Variants in ZNRF1 observed in about 807,000 individuals in gnomAD.
ZNRF1 encodes zinc and ring finger 1.
In ZNRF1, 3 loss-of-function variants were observed where a neutral mutation model predicts 18.4. The observed-to-expected ratio is 0.16, with a 90% CI of 0.07 to 0.42. ZNRF1 has a LOEUF of 0.42. Among genes scored for constraint, ZNRF1 ranks in the 10% least tolerant of loss-of-function variants. The pLI, the probability that ZNRF1 is intolerant of heterozygous loss-of-function variation, is 0.99. For synonymous variants in ZNRF1, 157 were observed against 144.2 expected (o/e 1.09, Z -0.64); for missense variants, 310 against 329.8 (o/e 0.94, Z 0.47).
chr16:75,078,011 G>T (rs1174808549), intron 1 of ZNRF1, among the ~76,000 whole-genome samples: 3 of 152,182 alleles, frequency 2.0e-5, no homozygotes, highest in East Asian at 3.8e-4. Flanking sequence ...AGGTTCTGGG[G>T]ATTCGGAGGT....
intron 1 of ZNRF1, among the ~76,000 whole-genome samples, chr16:75,086,799 C>T (rs779470687): frequency 6.6e-6 from 1 of 152,198 alleles, no homozygotes; most frequent in Non-Finnish European, 1.5e-5. Flanking sequence ...AAGAGTTACC[C>T]TCATCTACCC....
intron 1 of ZNRF1, among the ~76,000 whole-genome samples, chr16:75,035,868 A>G (rs1394373930): frequency 6.6e-6 from 1 of 152,192 alleles, no homozygotes; most frequent in South Asian, 2.1e-4. Context: ...GTCATAAACT[A>G]GTTAAACTCT....
rs1458436128 is a variant in ZNRF1, at chr16:75,000,002, C to G, written c.331C>G (p.His111Asp). 1.3e-6 allele frequency: 2 copies of G among 1,588,798 alleles called. No individual in the cohort carries two copies. Among genetic ancestry groups the G allele is most frequent in the Non-Finnish European group, 1.7e-6 (2 of 1,168,476 alleles). The change falls in exon 1 of 5, where the codon CAT becomes GAT. Residue 111 changes from histidine to aspartate, a missense_variant. By Grantham distance (81) the His-to-Asp change is moderately conservative. Transcript: ENST00000335325. ...NGYQETGGGH[H>D]RDGMLYLGSR... is the part of the protein sequence containing the mutation. The stretch of plus-strand genomic sequence containing the variant: ...TTACCAGGAGACGGGCGGCGGTCAC[C>G]ATAGAGACGGGATGCTGTACCTGGG...
At chr16:75,008,651 G>T (rs1378300461) in intron 1 of ZNRF1, among the ~76,000 whole-genome samples, 2 of 152,094 alleles carry the variant, frequency 1.3e-5, no homozygotes, top group Admixed American at 1.3e-4. Context: ...ATAGCCTCTG[G>T]TATACCAGGA....
chr16:75,064,779 G>T (rs2145392736), intron 1 of ZNRF1, among the ~76,000 whole-genome samples: 1 of 152,288 alleles, frequency 6.6e-6, no homozygotes, highest in South Asian at 2.1e-4. Flanking sequence ...ACCTTTTCAG[G>T]CTGTTCCTGG....
chr16:75,008,771 G>A (rs557053121), intron 1 of ZNRF1, among the ~76,000 whole-genome samples: 42 of 152,172 alleles, frequency 2.8e-4, no homozygotes, highest in Non-Finnish European at 4.7e-4. Flanking sequence ...TTAGCTTCTG[G>A]GAGATTTTAC....
At chr16:75,088,623 C>T (rs771959270) in intron 1 of ZNRF1, among the ~76,000 whole-genome samples, 16 of 152,304 alleles carry the variant, frequency 1.1e-4, no homozygotes, top group Non-Finnish European at 7.3e-5. Context: ...GCACAGCACA[C>T]GAGCAAGAGC....
At chr16:75,077,739 G>C (rs1567488425) in intron 1 of ZNRF1, among the ~76,000 whole-genome samples, 2 of 152,170 alleles carry the variant, frequency 1.3e-5, no homozygotes, top group African/African-American at 4.8e-5. Flanking sequence ...GCTTCTGGAG[G>C]CTCTAGGGGA....
intron 1 of ZNRF1, among the ~76,000 whole-genome samples, chr16:75,033,395 T>C (rs2035332018): frequency 6.6e-6 from 1 of 151,788 alleles, no homozygotes; most frequent in East Asian, 1.9e-4. Context: ...TTTCTCTAGC[T>C]TCATTTAAGT....
At chr16:75,087,399 A>G (rs2036086527) in intron 1 of ZNRF1, among the ~76,000 whole-genome samples, 1 of 152,206 alleles carries the variant, frequency 6.6e-6, no homozygotes, top group Non-Finnish European at 1.5e-5. Context: ...CAGCCAACCA[A>G]ATGGCAAAGG....
At chr16:75,032,707 A>G (rs952378748) in intron 1 of ZNRF1, among the ~76,000 whole-genome samples, 9 of 152,302 alleles carry the variant, frequency 5.9e-5, no homozygotes, top group African/African-American at 2.2e-4. Flanking sequence ...TCAACAACCA[A>G]AAGACAAACA....
At chr16:75,057,921 C>T (rs767434210) in intron 1 of ZNRF1, among the ~76,000 whole-genome samples, 4 of 152,136 alleles carry the variant, frequency 2.6e-5, no homozygotes, top group South Asian at 4.1e-4. Flanking sequence ...GGTTTACAGG[C>T]GTGAGCCACC....
intron 2 of ZNRF1, among the ~76,000 whole-genome samples, chr16:75,094,208 G>C (rs1181028023): frequency 6.6e-6 from 1 of 152,218 alleles, no homozygotes; most frequent in African/African-American, 2.4e-5. Flanking sequence ...GGGGGACTAT[G>C]TGTGACATAG....
intron 1 of ZNRF1, among the ~76,000 whole-genome samples, chr16:75,086,621 T>C (rs2036077250): frequency 6.6e-6 from 1 of 152,226 alleles, no homozygotes; most frequent in African/African-American, 2.4e-5. Flanking sequence ...GTGTTACCCC[T>C]TGATCTTTTA....
intron 1 of ZNRF1, among the ~76,000 whole-genome samples, chr16:75,025,198 G>T (rs1423224006): frequency 6.6e-6 from 1 of 152,082 alleles, no homozygotes; most frequent in Non-Finnish European, 1.5e-5. Flanking sequence ...CTCTTGAGTA[G>T]CTGGGACTAC....
chr16:75,056,476 G>A (rs536657505), intron 1 of ZNRF1, among the ~76,000 whole-genome samples: 1 of 152,262 alleles, frequency 6.6e-6, no homozygotes, highest in South Asian at 2.1e-4. Context: ...TACCTTTCTT[G>A]GTTGACAAAT....
intron 1 of ZNRF1, among the ~76,000 whole-genome samples, chr16:75,090,642 T>C (rs997338439): frequency 6.6e-6 from 1 of 152,140 alleles, no homozygotes; most frequent in Admixed American, 6.5e-5. Context: ...AGTGACATGC[T>C]CAGATGCTAA....
chr16:75,010,972 G>A (rs1187145279), intron 1 of ZNRF1, among the ~76,000 whole-genome samples: 2 of 152,174 alleles, frequency 1.3e-5, no homozygotes, highest in African/African-American at 4.8e-5. Flanking sequence ...GCCTCCCAGA[G>A]TGCTGGGATT....
At chr16:75,012,328 A>G (rs1022848606) in intron 1 of ZNRF1, among the ~76,000 whole-genome samples, 1 of 152,254 alleles carries the variant, frequency 6.6e-6, no homozygotes, top group African/African-American at 2.4e-5. Flanking sequence ...TTAGAGAGCC[A>G]GAAGCCATTT....
Sources: allele counts gnomAD v4.1 joint callset (sites outside exome capture counted in the v4.1 genomes callset), GRCh38; gene constraint gnomAD v4.1.1; transcripts MANE v1.5; gene names NCBI Gene and HGNC (gene_info 2026-07-23, HGNC 2026-07-21).